The following RNF182 variants were observed in gnomAD, a reference collection of about 807,000 sequenced individuals.
RNF182 encodes the protein ring finger protein 182, also known as E3 ubiquitin-protein ligase RNF182.
A neutral mutation model predicts 14.4 loss-of-function variants in RNF182; 15 were observed. The ratio of observed to expected loss-of-function variants is 1.04; its 90% CI spans 0.70 to 1.60. The LOEUF (loss-of-function observed/expected upper bound fraction) is 1.60. Among genes scored for constraint, RNF182 ranks in the 40% most tolerant of loss-of-function variants. RNF182 has a pLI of 0.00. For synonymous variants in RNF182, 128 were observed against 122.9 expected, an observed-to-expected ratio of 1.04 and a Z score of -0.27; for missense variants, 268 against 294.8, an observed-to-expected ratio of 0.91 and a Z score of 0.67.
chr6:13,942,964 A>G (rs1470648625), intron 1 of RNF182, among the ~76,000 whole-genome samples: 1 of 152,154 alleles, frequency 6.6e-6, no homozygotes, highest in Non-Finnish European at 1.5e-5. Flanking sequence ...CAATGATCTT[A>G]GTTAAATTCA....
chr6:13,935,276 G>C (rs1759079145), intron 1 of RNF182, among the ~76,000 whole-genome samples: 1 of 151,762 alleles, frequency 6.6e-6, no homozygotes, highest in Middle Eastern at 3.2e-3. Flanking sequence ...TCACTAGACT[G>C]TAAGCTCCAA....
At position 13,978,208 on chromosome 6, in the gene RNF182, T is replaced by A. The variant is rs546143755; in HGVS notation, c.*345T>A. 1.1e-4 allele frequency: 22 copies of A among 202,236 alleles called. No individual in the cohort carries two copies. The highest frequency in any genetic ancestry group is 4.7e-4 in the African/African-American group (20 of 42,690). The allele number at this position is 202,236 out of a possible 1,614,324, so 12.5% of individuals were successfully genotyped here. On this transcript the variant is annotated 3_prime_UTR_variant, in exon 3 of 3. Transcript: ENST00000488300. ...GCATGGATCCCTCCTTTCGTATTCA[T>A]GGATGTTCTATGATGGCAGTTGGAC...
intron 1 of RNF182, among the ~76,000 whole-genome samples, chr6:13,950,495 G>A (rs957717674): frequency 4.2e-5 from 5 of 117,724 alleles, no homozygotes; most frequent in South Asian, 2.7e-4. Flanking sequence ...GACAAAACAG[G>A]TACTTTTTTT....
chr6:13,963,242 G>C (rs1759924477), intron 1 of RNF182, among the ~76,000 whole-genome samples: 1 of 152,188 alleles, frequency 6.6e-6, no homozygotes. Context: ...GAACTTGCAA[G>C]ATGTATGGAT....
intron 1 of RNF182, among the ~76,000 whole-genome samples, chr6:13,950,249 C>G (rs79654634): frequency 0.014 from 2,078 of 152,244 alleles, 50 homozygotes; most frequent in African/African-American, 0.047. Flanking sequence ...AAGACAAGGA[C>G]AGAGCTGTAA....
chr6:13,947,277 A>C (rs934529312), intron 1 of RNF182, among the ~76,000 whole-genome samples: 1 of 152,218 alleles, frequency 6.6e-6, no homozygotes. Flanking sequence ...AAAACAATGG[A>C]TGAGACTAGA....
At chr6:13,940,702 A>G (rs1483825958) in intron 1 of RNF182, among the ~76,000 whole-genome samples, 3 of 151,956 alleles carry the variant, frequency 2.0e-5, no homozygotes, top group African/African-American at 4.8e-5. Context: ...TTGATTTTCA[A>G]CTTTTCTAAC....
At chr6:13,931,752 T>TA (rs1231394846) in intron 1 of RNF182, among the ~76,000 whole-genome samples, 1 of 152,088 alleles carries the variant, frequency 6.6e-6, no homozygotes. Flanking sequence ...GGTAGCTGCT[T>TA]AATCTCTCTG....
intron 1 of RNF182, among the ~76,000 whole-genome samples, chr6:13,960,690 T>TCAC (rs1759852672): frequency 8.3e-5 from 10 of 120,408 alleles, no homozygotes; most frequent in African/African-American, 2.8e-4. Flanking sequence ...TGTGTGTGTG[T>TCAC]GTGCGCGCGT....
At chr6:13,945,366 G>A (rs965149088) in intron 1 of RNF182, among the ~76,000 whole-genome samples, 2 of 152,190 alleles carry the variant, frequency 1.3e-5, no homozygotes, top group Admixed American at 6.5e-5. Flanking sequence ...CGTTGCCAGG[G>A]CATTCTTTTA....
At chr6:13,949,721 T>C (rs1759536153) in intron 1 of RNF182, 1 of 230,406 alleles carries the variant, frequency 4.3e-6, no homozygotes, top group Non-Finnish European at 8.8e-6. Flanking sequence ...GTGTACGATA[T>C]CTTCACAAAA....
chr6:13,964,941 C>A (rs2113635637), intron 1 of RNF182, among the ~76,000 whole-genome samples: 1 of 152,268 alleles, frequency 6.6e-6, no homozygotes, highest in African/African-American at 2.4e-5. Context: ...TTGTGTTTCA[C>A]CCTACTCATA....
intron 1 of RNF182, among the ~76,000 whole-genome samples, chr6:13,933,198 A>G (rs1759018259): frequency 6.6e-6 from 1 of 152,160 alleles, no homozygotes; most frequent in Non-Finnish European, 1.5e-5. Context: ...TCCTTAGACC[A>G]GTGCTGTCCA....
chr6:13,943,315 C>T (rs185107187), intron 1 of RNF182, among the ~76,000 whole-genome samples: 122 of 149,662 alleles, frequency 8.2e-4, no homozygotes, highest in Middle Eastern at 3.5e-3. Flanking sequence ...GAAATAGGGT[C>T]TCACCGTGTT....
intron 1 of RNF182, among the ~76,000 whole-genome samples, chr6:13,972,196 T>G (rs1760205109): frequency 6.6e-6 from 1 of 151,122 alleles, no homozygotes; most frequent in Non-Finnish European, 1.5e-5. Context: ...TCTCAGCTAC[T>G]CAGGAGGCTG....
intron 1 of RNF182, among the ~76,000 whole-genome samples, chr6:13,941,786 G>T (rs907707914): frequency 8.6e-5 from 13 of 151,998 alleles, no homozygotes; most frequent in African/African-American, 3.1e-4. Context: ...TTCCGTGATG[G>T]TGTAGTGTTA....
chr6:13,960,818 T>C (rs1266946515), intron 1 of RNF182, among the ~76,000 whole-genome samples: 1 of 152,184 alleles, frequency 6.6e-6, no homozygotes, highest in Non-Finnish European at 1.5e-5. Context: ...TCTTTAGACA[T>C]TTTAGTTTTT....
rs758560577 is a variant in RNF182 at position 13,977,750 on chromosome 6, C to G, written c.631C>G (p.Leu211Val). ...CTTACTGGTGTCTAAGAAAGTCACC[C>G]TTGGGGTCGTCTTTGTCAGCCTGGT... ...IYLLVSKKVT[L>V]GVVFVSLVPS... The change falls in exon 3 of 3, where the codon CTT becomes GTT. Residue 211 changes from leucine to valine, a missense_variant. By Grantham distance (32) the Leu-to-Val change is conservative. Transcript: ENST00000488300. 9.9e-6 allele frequency: 16 copies of G among 1,613,944 alleles called. No homozygotes were observed. Among genetic ancestry groups the G allele is most frequent in the Non-Finnish European group, 1.4e-5 (16 of 1,180,008 alleles).
intron 1 of RNF182, among the ~76,000 whole-genome samples, chr6:13,927,020 G>T (rs1758847265): frequency 6.6e-6 from 1 of 152,106 alleles, no homozygotes; most frequent in South Asian, 2.1e-4. Flanking sequence ...TTTGCTGCTA[G>T]CTCACACGGG....
Sources: gnomAD v4.1 joint callset for allele counts (sites outside exome capture counted in the v4.1 genomes callset) on GRCh38, gnomAD v4.1.1 for gene constraint, MANE v1.5 for transcripts, NCBI Gene and HGNC (gene_info 2026-07-23, HGNC 2026-07-21) for gene names.